Variants in ZNF316 observed in about 807,000 individuals in gnomAD.
ZNF316 encodes the protein zinc finger protein 316.
In ZNF316, 23 loss-of-function variants were observed where a neutral mutation model predicts 75.6. The ratio of observed to expected loss-of-function variants is 0.30; its 90% confidence interval spans 0.22 to 0.43. ZNF316 has a LOEUF of 0.43. Among genes scored for constraint, ZNF316 ranks in the 20% least tolerant of loss-of-function variants. The pLI is 1.00. For synonymous variants in ZNF316, 827 were observed against 666.2 expected (o/e 1.24, Z -3.72); for missense variants, 1,266 against 1,409.4 (o/e 0.90, Z 1.63).
At position 6,653,551 on chromosome 7, in the gene ZNF316, C is replaced by T. The variant is rs1779557890; in HGVS notation, c.1955C>T (p.Pro652Leu). 5 of 1,187,712 alleles carry T rather than the reference C, an allele frequency of 4.2e-6. No individual in the cohort carries two copies. Among genetic ancestry groups the T allele is most frequent in the Non-Finnish European group, 5.2e-6 (5 of 960,026 alleles). The allele number at this position is 1,187,712 out of a possible 1,614,324, so 73.6% of individuals were successfully genotyped here. ...LVEGTGLACD[P>L]FGGGGAAGGG... ...GAGGGTACCGGGCTGGCGTGCGACCCTTTCGGCGGCGGCGGGGCCGCGGGC... is the reference window on the plus strand; with the variant it reads ...GAGGGTACCGGGCTGGCGTGCGACCTTTTCGGCGGCGGCGGGGCCGCGGGC... The change falls in exon 9 of 9, where the codon CCT becomes CTT. Residue 652 changes from proline (P) to leucine (L), a missense_variant. Coordinates refer to ENST00000382252, the MANE Select transcript of ZNF316 (RefSeq NM_001278559.2).
chr7:6,642,368 C>G lies in ZNF316; in HGVS notation c.-28-14C>G. ...CTGAGAGCAGCCCGTCACTGGCGTC[C>G]ATCTGCATTTCAGGCCACGTGGAGG... On this transcript the variant is annotated splice_polypyrimidine_tract_variant and intron_variant, in intron 4 of 8. Transcript: ENST00000382252. The surrounding 1 kb of genome is among the most constrained non-coding windows in gnomAD (Gnocchi z 8.1). 8.4e-7 allele frequency: 1 copy of G among 1,191,360 alleles called. No individual in the cohort carries two copies. The highest frequency in any genetic ancestry group is 3.2e-5 in the East Asian group (1 of 31,490). 73.8% of individuals were successfully genotyped at this position (1,191,360 alleles called of 1,614,324 possible).
At chr7:6,643,495 A>G (rs1779347360) in intron 6 of ZNF316, among the ~76,000 whole-genome samples, 1 of 152,138 alleles carries the variant, frequency 6.6e-6, no homozygotes, top group African/African-American at 2.4e-5. Flanking sequence ...TGGGCCCTCC[A>G]TGGCTGACAT....
At position 6,653,484 on chromosome 7, in the gene ZNF316, C is replaced by T. The variant is rs1223163884; in HGVS notation, c.1888C>T (p.Arg630Cys). ...DFRERLPVDGRPLPAPLGGPL... is the reference protein window; with the variant it reads ...DFRERLPVDGCPLPAPLGGPL... ...CCGAGAGCGGCTGCCGGTCGACGGG[C>T]GCCCGCTCCCGGCGCCCCTGGGGGG... is the stretch of plus-strand genomic sequence containing the variant. Residue 630 changes from arginine to cysteine, a missense_variant, in exon 9 of 9, where the codon CGC becomes TGC. Arg to Cys is a radical substitution (Grantham distance 180). Coordinates refer to ENST00000382252, the MANE Select transcript of ZNF316 (RefSeq NM_001278559.2). 6.5e-6 allele frequency: 8 copies of T among 1,225,024 alleles called. No homozygotes were observed. Among genetic ancestry groups the T allele is most frequent in the South Asian group, 4.1e-5 (1 of 24,302 alleles). The allele number at this position is 1,225,024 out of a possible 1,614,324, so 75.9% of individuals were successfully genotyped here.
intron 8 of ZNF316, among the ~76,000 whole-genome samples, chr7:6,650,239 G>A (rs1351718179): frequency 6.6e-6 from 1 of 152,194 alleles, no homozygotes; most frequent in Non-Finnish European, 1.5e-5. Flanking sequence ...GACCTGGGGA[G>A]TGTGGCTGCC....
chr7:6,638,536 C>G (rs945840833), intron 2 of ZNF316, among the ~76,000 whole-genome samples: 4 of 152,336 alleles, frequency 2.6e-5, no homozygotes, highest in South Asian at 4.1e-4. Context: ...GCCTCTTCTT[C>G]CTGCCCTTGC....
At chr7:6,649,713 C>A (rs925128400) in intron 8 of ZNF316, among the ~76,000 whole-genome samples, 1 of 152,182 alleles carries the variant, frequency 6.6e-6, no homozygotes, top group African/African-American at 2.4e-5. Flanking sequence ...ATGTCCTTCC[C>A]CTCCTGCACT....
rs1779598752 is a variant in ZNF316 at position 6,655,197 on chromosome 7, A to G, written c.*586A>G. 1.3e-5 allele frequency: 2 copies of G among 152,372 alleles called. No homozygotes were observed. Among genetic ancestry groups the G allele is most frequent in the South Asian group, 4.1e-4 (2 of 4,832 alleles). The allele number at this position is 152,372 out of a possible 1,614,324, so 9.4% of individuals were successfully genotyped here. ...GGCGGAGCTCCAGTGGGAAAACTTG[A>G]AACTTGTCGTCTGCGGATATTTATT... On this transcript the variant is annotated 3_prime_UTR_variant, in exon 9 of 9. Coordinates refer to ENST00000382252, the MANE Select transcript of ZNF316 (RefSeq NM_001278559.2).
Position 6,654,257 on chromosome 7 carries a change from C to G in ZNF316, c.2661C>G (p.Phe887Leu). Residue 887 changes from phenylalanine (F) to leucine (L), a missense_variant, in exon 9 of 9, where the codon TTC becomes TTG. Phe to Leu is a conservative substitution (Grantham distance 22). Coordinates refer to ENST00000382252, the MANE Select transcript of ZNF316 (RefSeq NM_001278559.2). ...HRRGHTGERPFPCPECGKRFS... is the reference protein window; with the variant it reads ...HRRGHTGERPLPCPECGKRFS... ...GCGGCCACACGGGCGAACGCCCCTTCCCGTGCCCTGAGTGCGGCAAGCGCT... is the reference window on the plus strand; with the variant it reads ...GCGGCCACACGGGCGAACGCCCCTTGCCGTGCCCTGAGTGCGGCAAGCGCT... 8.2e-7 allele frequency: 1 copy of G among 1,223,586 alleles called. No individual in the cohort carries two copies. Among genetic ancestry groups the G allele is most frequent in the Non-Finnish European group, 1.0e-6 (1 of 982,092 alleles). 75.8% of individuals were successfully genotyped at this position (1,223,586 alleles called of 1,614,324 possible).
In ZNF316 at chr7:6,654,683, C is replaced by G; in HGVS notation, c.*72C>G. 1 of 1,125,728 alleles carries G rather than the reference C, an allele frequency of 8.9e-7. No individual in the cohort carries two copies. Among genetic ancestry groups the G allele is most frequent in the Non-Finnish European group, 1.1e-6 (1 of 916,168 alleles). 69.7% of individuals were successfully genotyped at this position (1,125,728 alleles called of 1,614,324 possible). On this transcript the variant is annotated 3_prime_UTR_variant, in exon 9 of 9. Coordinates refer to ENST00000382252, the MANE Select transcript of ZNF316 (RefSeq NM_001278559.2). ...TCCCTTGGACGGCCGGCCCCCCGCTCCTCGGGCCCCGGGAGGCTGAGGGTC... is the reference window on the plus strand; with the variant it reads ...TCCCTTGGACGGCCGGCCCCCCGCTGCTCGGGCCCCGGGAGGCTGAGGGTC...
intron 8 of ZNF316, among the ~76,000 whole-genome samples, chr7:6,647,931 C>A (rs759593595): frequency 6.6e-6 from 1 of 152,182 alleles, no homozygotes; most frequent in African/African-American, 2.4e-5. Context: ...TACATAGGGC[C>A]CCCACGCTGT....
rs1045444555 is a variant in ZNF316 at position 6,652,697 on chromosome 7, C to T, written c.1101C>T (p.His367=). The change falls in exon 9 of 9, where the codon CAC becomes CAT. Residue 367 remains histidine (H), a synonymous_variant. Coordinates refer to ENST00000382252, the MANE Select transcript of ZNF316 (RefSeq NM_001278559.2). ...GGCTGGCCAAGCACCAGCGCTACCA[C>T]GCGGCCGTCAAGCCCTTCGGCTGCG... ...RSRLAKHQRY[H]AAVKPFGCEE... The T allele has an allele frequency of 7.3e-6, 9 of 1,235,854 alleles. No individual in the cohort carries two copies. The highest frequency in any genetic ancestry group is 1.6e-5 in the African/African-American group (1 of 64,418). The allele number at this position is 1,235,854 out of a possible 1,614,324, so 76.6% of individuals were successfully genotyped here.
intron 8 of ZNF316, 68 bp from the exon 9 acceptor site, chr7:6,652,235 G>C (rs1047981676): frequency 8.1e-7 from 1 of 1,228,456 alleles, no homozygotes; most frequent in African/African-American, 1.6e-5. Context: ...TCTCGGGACA[G>C]GAACCTGCCA....
chr7:6,650,941 C>G (rs766776706), intron 8 of ZNF316, among the ~76,000 whole-genome samples: 51 of 152,126 alleles, frequency 3.4e-4, no homozygotes, highest in Admixed American at 1.0e-3. Context: ...CCCCACCGAG[C>G]CAGCTCCATC....
Position 6,653,561 on chromosome 7 carries a change from C to T in ZNF316, c.1965C>T (p.Gly655=), listed in dbSNP as rs1740517701. The change falls in exon 9 of 9, where the codon GGC becomes GGT. Residue 655 remains glycine, a synonymous_variant. Transcript: ENST00000382252. ...GTGLACDPFG[G]GGAAGGGGGL... ...GGCTGGCGTGCGACCCTTTCGGCGGCGGCGGGGCCGCGGGCGGCGGAGGCG... is the reference window on the plus strand; with the variant it reads ...GGCTGGCGTGCGACCCTTTCGGCGGTGGCGGGGCCGCGGGCGGCGGAGGCG... 5.2e-6 allele frequency: 6 copies of T among 1,152,834 alleles called. No individual in the cohort carries two copies. Among genetic ancestry groups the T allele is most frequent in the South Asian group, 4.2e-5 (1 of 23,638 alleles). The allele number at this position is 1,152,834 out of a possible 1,614,324, so 71.4% of individuals were successfully genotyped here. A position where few individuals can be genotyped will look rare whatever the true frequency, so the allele number is the denominator to read the frequency against.
At position 6,637,541 on chromosome 7, in the gene ZNF316, C is replaced by G. The variant is rs1779236190; in HGVS notation, c.-431+94C>G. On this transcript the variant is annotated intron_variant, in intron 1 of 8. Transcript: ENST00000382252. The surrounding 1 kb of genome is among the most constrained non-coding windows in gnomAD (Gnocchi z 6.2). ...TCGGGGGCGGCGGCGGCGGCGGGGC[C>G]GGGCTGGCCCTCGACGCCCGGCGCG... 6.8e-6 allele frequency: 1 copy of G among 146,818 alleles called. No individual in the cohort carries two copies. The highest frequency in any genetic ancestry group is 1.5e-5 in the Non-Finnish European group (1 of 65,776). 9.1% of individuals were successfully genotyped at this position (146,818 alleles called of 1,614,324 possible).
Position 6,643,960 on chromosome 7 carries a change from AC to A in ZNF316, c.592+14del. 1 of 1,232,230 alleles carries A rather than the reference AC, an allele frequency of 8.1e-7. No individual in the cohort carries two copies. The highest frequency in any genetic ancestry group is 1.6e-5 in the African/African-American group (1 of 64,484). 76.3% of individuals were successfully genotyped at this position (1,232,230 alleles called of 1,614,324 possible). On this transcript the variant is annotated intron_variant, in intron 7 of 8. Coordinates refer to ENST00000382252, the MANE Select transcript of ZNF316 (RefSeq NM_001278559.2). ...TCTCGTGTCCTTGGGTAAGGACGGG[AC>A]CTTTTGTCCCCAAGAGGCAGCCTGG...
rs934595542 is a variant in ZNF316 at position 6,654,380 on chromosome 7, G to T, written c.2784G>T (p.Ser928=). 1.6e-6 allele frequency: 2 copies of T among 1,218,316 alleles called. No individual in the cohort carries two copies. The highest frequency in any genetic ancestry group is 3.0e-4 in the Middle Eastern group (1 of 3,300). 75.5% of individuals were successfully genotyped at this position (1,218,316 alleles called of 1,614,324 possible). A position where few individuals can be genotyped will look rare whatever the true frequency, so the allele number is the denominator to read the frequency against. Residue 928 remains serine, a synonymous_variant, in exon 9 of 9, where the codon TCG becomes TCT. Coordinates refer to ENST00000382252, the MANE Select transcript of ZNF316 (RefSeq NM_001278559.2). The part of the protein sequence containing the change: ...ANCGRRFSQS[S]HLLTHMKTHR... ...GCGGCCGCCGCTTCTCGCAGAGCTC[G>T]CACTTGCTCACCCACATGAAGACGC... is the stretch of plus-strand genomic sequence containing the variant.
At chr7:6,647,249 A>T (rs2115314014) in intron 8 of ZNF316, among the ~76,000 whole-genome samples, 1 of 152,172 alleles carries the variant, frequency 6.6e-6, no homozygotes, top group Middle Eastern at 3.4e-3. Context: ...GTCCTCAGAG[A>T]GGCCCCTCCT....
Position 6,652,913 on chromosome 7 carries a change from G to T in ZNF316, c.1317G>T (p.Gly439=). Residue 439 remains glycine (G), a synonymous_variant, in exon 9 of 9, where the codon GGG becomes GGT. Transcript: ENST00000382252. ...YRCAFCGAGF[G]RRSYLVTHQR... Reference sequence around the variant, plus strand: ...GCGCCTTCTGCGGCGCGGGCTTCGGGCGCCGCTCCTACCTGGTCACGCACC... The same window carrying T: ...GCGCCTTCTGCGGCGCGGGCTTCGGTCGCCGCTCCTACCTGGTCACGCACC... The T allele has an allele frequency of 4.0e-6, 5 of 1,242,110 alleles. No homozygotes were observed. Among genetic ancestry groups the T allele is most frequent in the South Asian group, 7.5e-5 (2 of 26,670 alleles). The allele number at this position is 1,242,110 out of a possible 1,614,324, so 76.9% of individuals were successfully genotyped here. A position where few individuals can be genotyped will look rare whatever the true frequency, so the allele number is the denominator to read the frequency against.
Sources: allele counts gnomAD v4.1 joint callset (sites outside exome capture counted in the v4.1 genomes callset), GRCh38; gene constraint gnomAD v4.1.1; non-coding constraint Gnocchi (gnomAD v3.1); transcripts MANE v1.5; gene names NCBI Gene and HGNC (gene_info 2026-07-23, HGNC 2026-07-21).